PLCG2: variants seen among roughly 807,000 people sequenced by gnomAD.
The protein encoded by PLCG2 is 1-phosphatidylinositol 4,5-bisphosphate phosphodiesterase gamma-2.
Under a neutral mutation model 175.6 loss-of-function variants are expected in PLCG2, and 69 were observed. The ratio of observed to expected loss-of-function variants is 0.39; its 90% CI spans 0.32 to 0.48. PLCG2 has a LOEUF of 0.48. Ranked by LOEUF, PLCG2 falls within the 20% of genes least tolerant of loss-of-function variation. The pLI, the probability that PLCG2 is intolerant of heterozygous loss-of-function variation, is 0.91. For synonymous variants in PLCG2, 827 were observed against 624.0 expected, an observed-to-expected ratio of 1.33 and a Z score of -4.85; for missense variants, 1,798 against 1,650.9, an observed-to-expected ratio of 1.09 and a Z score of -1.54.
intron 2 of PLCG2, among the ~76,000 whole-genome samples, chr16:81,787,652 G>T (rs1911041533): frequency 6.6e-6 from 1 of 151,406 alleles, no homozygotes; most frequent in African/African-American, 2.4e-5. Context: ...ATATAAATGT[G>T]CAAGCACCAC....
At chr16:81,781,718 G>A (rs978869934) in intron 1 of PLCG2, among the ~76,000 whole-genome samples, 1 of 152,202 alleles carries the variant, frequency 6.6e-6, no homozygotes, top group Non-Finnish European at 1.5e-5. Context: ...TACCACTCAA[G>A]TATTTGCCTG....
rs1345879475 is a variant in PLCG2 at position 81,927,191 on chromosome 16, C to T, written c.2514+13C>T. The T allele has an allele frequency of 1.3e-6, 2 of 1,554,646 alleles. No individual in the cohort carries two copies. The highest frequency in any genetic ancestry group is 1.4e-5 in the African/African-American group (1 of 73,696). On this transcript the variant is annotated intron_variant, in intron 23 of 32. Coordinates refer to ENST00000564138, the MANE Select transcript of PLCG2 (RefSeq NM_002661.5). Reference sequence around the variant, plus strand: ...GCTAGAAAAGCAGGTGAGTCCCCCTCTTCGATCCTCTTACAGGAAGAAGGG... The same window carrying T: ...GCTAGAAAAGCAGGTGAGTCCCCCTTTTCGATCCTCTTACAGGAAGAAGGG...
At chr16:81,913,367 A>G (rs568051769) in intron 19 of PLCG2, among the ~76,000 whole-genome samples, 17 of 152,204 alleles carry the variant, frequency 1.1e-4, no homozygotes, top group Non-Finnish European at 2.2e-4. Flanking sequence ...TCAAGGCCTC[A>G]TCTGATTGAA....
At chr16:81,935,309 T>G (rs1354944898) in intron 26 of PLCG2, among the ~76,000 whole-genome samples, 1 of 152,000 alleles carries the variant, frequency 6.6e-6, no homozygotes, top group African/African-American at 2.4e-5. Context: ...ACCTGGATAT[T>G]CCAGAATAAG....
chr16:81,785,694 G>A, intron 1 of PLCG2: 1 of 276,156 alleles, frequency 3.6e-6, no homozygotes, highest in South Asian at 4.9e-5. Context: ...GGGTGATTTG[G>A]TTATTCAAAG....
chr16:81,816,970 C>G (rs528955248), intron 2 of PLCG2, among the ~76,000 whole-genome samples: 32 of 152,144 alleles, frequency 2.1e-4, no homozygotes, highest in African/African-American at 7.0e-4. Context: ...TTTTCCTATG[C>G]CCATTGCACA....
At chr16:81,927,649 C>G (rs1191557887) in intron 23 of PLCG2, among the ~76,000 whole-genome samples, 2 of 152,108 alleles carry the variant, frequency 1.3e-5, no homozygotes, top group Non-Finnish European at 2.9e-5. Flanking sequence ...CCACTTTCAG[C>G]GTGCTAGCAC....
At position 81,938,908 on chromosome 16, in the gene PLCG2, G is replaced by T. The variant is rs372282607; in HGVS notation, c.3306G>T (p.Thr1102=). ...AEYDNNKFKT[T]VVNDNGLSPI... ...ATGACAACAACAAGTTCAAGACGACGGTTGTGAGTAAGTCAGTCACCTTGG... is the reference window on the plus strand; with the variant it reads ...ATGACAACAACAAGTTCAAGACGACTGTTGTGAGTAAGTCAGTCACCTTGG... Residue 1102 remains threonine, a synonymous_variant, in exon 29 of 33, where the codon ACG becomes ACT. Transcript: ENST00000564138. The T allele has an allele frequency of 6.3e-7, 1 of 1,596,278 alleles. No individual in the cohort carries two copies. The highest frequency in any genetic ancestry group is 8.6e-7 in the Non-Finnish European group (1 of 1,164,526).
intron 2 of PLCG2, among the ~76,000 whole-genome samples, chr16:81,797,560 C>T (rs903676704): frequency 1.6e-4 from 24 of 152,348 alleles, no homozygotes; most frequent in African/African-American, 5.5e-4. Flanking sequence ...AGGGGGACTT[C>T]CCAGCACCTG....
chr16:81,895,647 C>T (rs1908849337), intron 12 of PLCG2, 160 bp from the exon 13 acceptor site: 5 of 695,872 alleles, frequency 7.2e-6, no homozygotes, highest in Non-Finnish European at 9.8e-6. Flanking sequence ...CACAGGGAAC[C>T]CTGCGGATAC....
Position 81,961,811 on chromosome 16 carries a change from T to G in PLCG2, c.*3813T>G, listed in dbSNP as rs1372454300. 6 of 202,904 alleles carry G rather than the reference T, an allele frequency of 3.0e-5. No homozygotes were observed. The highest frequency in any genetic ancestry group is 5.1e-5 in the Non-Finnish European group (5 of 98,864). 12.6% of individuals were successfully genotyped at this position (202,904 alleles called of 1,614,324 possible). A position where few individuals can be genotyped will look rare whatever the true frequency, so the allele number is the denominator to read the frequency against. ...GTAGTGTCTACGGTATGCCAGCACT[T>G]TGCAGCTATTTATAATGAGAAATTT... On this transcript the variant is annotated 3_prime_UTR_variant, in exon 33 of 33. Transcript: ENST00000564138.
intron 2 of PLCG2, among the ~76,000 whole-genome samples, chr16:81,767,136 GTTTTTTTTTTT>G (rs66799783): frequency 8.4e-5 from 6 of 71,726 alleles, no homozygotes; most frequent in Non-Finnish European, 9.8e-5. Flanking sequence ...TAAACTCGTG[GTTTTTTTTTTT>G]TTTTTTTTTT....
chr16:81,917,579 T>G (rs1299806659), intron 19 of PLCG2, among the ~76,000 whole-genome samples: 1 of 152,232 alleles, frequency 6.6e-6, no homozygotes, highest in Non-Finnish European at 1.5e-5. Context: ...ATAGCCATTC[T>G]AACAGGTGTG....
intron 2 of PLCG2, among the ~76,000 whole-genome samples, chr16:81,757,356 T>G (rs531103338): frequency 4.6e-5 from 7 of 151,822 alleles, no homozygotes; most frequent in Non-Finnish European, 8.8e-5. Context: ...AAAAAAAAGC[T>G]GTTTAGTGAC....
chr16:81,875,831 A>G (rs1473236324), intron 7 of PLCG2, among the ~76,000 whole-genome samples: 3 of 152,092 alleles, frequency 2.0e-5, no homozygotes, highest in Non-Finnish European at 4.4e-5. Context: ...AAGGCATTGA[A>G]GGATTATTCT....
intron 21 of PLCG2, among the ~76,000 whole-genome samples, chr16:81,922,374 T>C (rs1910095193): frequency 6.6e-6 from 1 of 152,244 alleles, no homozygotes; most frequent in African/African-American, 2.4e-5. Flanking sequence ...CATACTCATA[T>C]AACTACTTAC....
At chr16:81,924,692 C>T (rs1416997746) in intron 22 of PLCG2, among the ~76,000 whole-genome samples, 3 of 152,236 alleles carry the variant, frequency 2.0e-5, no homozygotes, top group Non-Finnish European at 2.9e-5. Context: ...TCATTGCAAA[C>T]CAATTCATAC....
chr16:81,841,224 ATTTATTTATTTATTTATTT>A (rs1263819716), intron 2 of PLCG2, among the ~76,000 whole-genome samples: 1 of 149,468 alleles, frequency 6.7e-6, no homozygotes, highest in Non-Finnish European at 1.5e-5. Flanking sequence ...TTATTTATTT[ATTTATTTATTTATTTATTT>A]ATTTATTTAT....
intron 2 of PLCG2, among the ~76,000 whole-genome samples, chr16:81,824,113 T>C (rs1340533681): frequency 2.8e-5 from 4 of 140,356 alleles, no homozygotes; most frequent in Non-Finnish European, 4.6e-5. Context: ...CTTTCCCTCC[T>C]TCCCTCCCTC....
Sources: gnomAD v4.1 joint callset for allele counts (sites outside exome capture counted in the v4.1 genomes callset) on GRCh38, gnomAD v4.1.1 for gene constraint, MANE v1.5 for transcripts, NCBI Gene and HGNC (gene_info 2026-07-23, HGNC 2026-07-21) for gene names.